The following ULK4 variants were observed in gnomAD, a reference collection of about 807,000 sequenced individuals.
The protein encoded by ULK4 is inactive serine/threonine-protein kinase ULK4.
A neutral mutation model predicts 160.6 loss-of-function variants in ULK4; 133 were observed. The ratio of observed to expected loss-of-function variants is 0.83; its 90% confidence interval spans 0.72 to 0.96. The LOEUF is 0.96. Ranked by LOEUF, ULK4 falls within the 40% of genes least tolerant of loss-of-function variation. The pLI, the probability that ULK4 is intolerant of heterozygous loss-of-function variation, is 0.00. For synonymous variants in ULK4, 534 were observed against 539.8 expected (o/e 0.99, Z 0.15); for missense variants, 1,580 against 1,499.5 (o/e 1.05, Z -0.89).
chr3:41,776,094 G>A (rs892161351), intron 21 of ULK4, among the ~76,000 whole-genome samples: 2 of 150,706 alleles, frequency 1.3e-5, no homozygotes, highest in African/African-American at 5.0e-5. Context: ...GTTTCCACTG[G>A]CCCATATCTC....
chr3:41,420,060 G>A (rs1575536755), intron 34 of ULK4, among the ~76,000 whole-genome samples: 1 of 150,970 alleles, frequency 6.6e-6, no homozygotes, highest in Admixed American at 6.6e-5. Flanking sequence ...ATTCCTTTTT[G>A]AGTTCCTCTT....
At chr3:41,856,664 T>G (rs952995085) in intron 17 of ULK4, among the ~76,000 whole-genome samples, 13 of 145,726 alleles carry the variant, frequency 8.9e-5, no homozygotes, top group Admixed American at 2.8e-4. Context: ...CAGCTTCAAA[T>G]CCAACAGGAT....
intron 2 of ULK4, among the ~76,000 whole-genome samples, chr3:41,939,662 A>C (rs1343963679): frequency 6.6e-6 from 1 of 152,090 alleles, no homozygotes; most frequent in Non-Finnish European, 1.5e-5. Flanking sequence ...TTAGGAGGCC[A>C]AGGCAGGAGG....
intron 32 of ULK4, among the ~76,000 whole-genome samples, chr3:41,490,432 C>T (rs971617114): frequency 6.6e-6 from 1 of 152,174 alleles, no homozygotes; most frequent in African/African-American, 2.4e-5. Context: ...TCTGTTCCCA[C>T]TGTTCTTTTC....
At chr3:41,814,926 T>C (rs1288633540) in intron 19 of ULK4, among the ~76,000 whole-genome samples, 2 of 149,622 alleles carry the variant, frequency 1.3e-5, no homozygotes, top group Non-Finnish European at 3.0e-5. Flanking sequence ...TTTTTTTTTT[T>C]GAGATGGAGT....
At chr3:41,375,126 A>G (rs2081456400) in intron 35 of ULK4, among the ~76,000 whole-genome samples, 1 of 152,220 alleles carries the variant, frequency 6.6e-6, no homozygotes. Flanking sequence ...GCTCGACGAA[A>G]TAAAAGAGGA....
chr3:41,792,920 A>T (rs1424033978), intron 20 of ULK4, among the ~76,000 whole-genome samples: 1 of 152,256 alleles, frequency 6.6e-6, no homozygotes, highest in Non-Finnish European at 1.5e-5. Context: ...CACGCCTGCA[A>T]TCCCAGCACT....
intron 23 of ULK4, 129 bp downstream of exon 23, chr3:41,717,599 T>C (rs2037313425): frequency 2.6e-6 from 3 of 1,158,918 alleles, no homozygotes; most frequent in Non-Finnish European, 3.6e-6. Context: ...AAACTACATA[T>C]TCGTTAAAAA....
chr3:41,648,394 C>G (rs115626762), intron 30 of ULK4, among the ~76,000 whole-genome samples: 1,963 of 152,240 alleles, frequency 0.013, 42 homozygotes, highest in African/African-American at 0.045. Flanking sequence ...AGGATAGTAC[C>G]AAATGACTAC....
intron 5 of ULK4, among the ~76,000 whole-genome samples, chr3:41,928,428 G>T (rs140468543): frequency 6.6e-6 from 1 of 151,218 alleles, no homozygotes; most frequent in Non-Finnish European, 1.5e-5. Flanking sequence ...CCCTAACATC[G>T]CAATTAAAAG....
At chr3:41,827,476 G>T (rs141345402) in intron 18 of ULK4, among the ~76,000 whole-genome samples, 1 of 152,078 alleles carries the variant, frequency 6.6e-6, no homozygotes, top group African/African-American at 2.4e-5. Flanking sequence ...TATCACCACC[G>T]ATCCCACAGA....
chr3:41,743,100 T>C lies in ULK4; in HGVS notation c.2321+11261A>G, dbSNP rs934163282. ...AAATATCCAAATTCAGCAGAAGACATAAATCTATATATTCAAGAAGCTGAT... is the reference window on the plus strand; with the variant it reads ...AAATATCCAAATTCAGCAGAAGACACAAATCTATATATTCAAGAAGCTGAT... On this transcript the variant is annotated intron_variant, in intron 22 of 36. Transcript: ENST00000301831. Among the ~76,000 whole-genome samples the C allele has an allele frequency of 1.3e-5, 2 of 151,766 alleles. 1 individual carries two copies. The highest frequency in any genetic ancestry group is 4.1e-4 in the South Asian group (2 of 4,832).
At chr3:41,454,497 G>A (rs974303394) in intron 34 of ULK4, among the ~76,000 whole-genome samples, 40 of 140,650 alleles carry the variant, frequency 2.8e-4, no homozygotes, top group African/African-American at 1.1e-3. Flanking sequence ...CTGAGATCAT[G>A]CCACTTCACT....
At chr3:41,271,716 G>A (rs546531826) in intron 35 of ULK4, among the ~76,000 whole-genome samples, 47 of 152,064 alleles carry the variant, frequency 3.1e-4, no homozygotes, top group African/African-American at 1.1e-3. Flanking sequence ...TTTTATTGCT[G>A]AGTAGTATTC....
intron 35 of ULK4, among the ~76,000 whole-genome samples, chr3:41,382,265 G>A (rs192994956): frequency 1.3e-5 from 2 of 152,202 alleles, no homozygotes; most frequent in Admixed American, 1.3e-4. Context: ...GTTCCCTGCT[G>A]TATCCCCAAC....
At chr3:41,532,210 G>C (rs1324838515) in intron 32 of ULK4, among the ~76,000 whole-genome samples, 1 of 152,162 alleles carries the variant, frequency 6.6e-6, no homozygotes, top group African/African-American at 2.4e-5. Context: ...ACATTCTACA[G>C]GCTATTCCAC....
At position 41,704,048 on chromosome 3, in the gene ULK4, A is replaced by G. The variant is rs146757395; in HGVS notation, c.2781+1009T>C. Among the ~76,000 whole-genome samples the G allele has an allele frequency of 4.5e-3, 683 of 152,288 alleles. 2 individuals carry two copies. The highest frequency in any genetic ancestry group is 0.016 in the African/African-American group (657 of 41,548). On this transcript the variant is annotated intron_variant, in intron 27 of 36. Coordinates refer to ENST00000301831, the MANE Select transcript of ULK4 (RefSeq NM_017886.4). ...TTTTATTTCTAAATTCATTACTTTTATTCATTATTACAGGCAATTCACAAC... is the reference window on the plus strand; with the variant it reads ...TTTTATTTCTAAATTCATTACTTTTGTTCATTATTACAGGCAATTCACAAC...
In ULK4 at chr3:41,705,320, A is replaced by T; in HGVS notation, c.2635-15T>A. On this transcript the variant is annotated splice_polypyrimidine_tract_variant and intron_variant, in intron 25 of 36. Transcript: ENST00000301831. The stretch of plus-strand genomic sequence containing the variant: ...TTAATATGACTCTGAAAAAAAATAA[A>T]TTTTTAATAAATAGAGTTTCAAAGT... 6.3e-7 allele frequency: 1 copy of T among 1,587,308 alleles called. No individual in the cohort carries two copies. The highest frequency in any genetic ancestry group is 1.7e-5 in the Admixed American group (1 of 58,320).
At chr3:41,594,085 GGCAGGTGGGCAA>G (rs1159484253) in intron 31 of ULK4, among the ~76,000 whole-genome samples, 2 of 151,908 alleles carry the variant, frequency 1.3e-5, no homozygotes, top group African/African-American at 4.8e-5. Context: ...GGGAAAGGAA[GGCAGGTGGGCAA>G]GCAGAGTTAT....
Sources: allele counts gnomAD v4.1 joint callset (sites outside exome capture counted in the v4.1 genomes callset), GRCh38; gene constraint gnomAD v4.1.1; transcripts MANE v1.5; gene names NCBI Gene and HGNC (gene_info 2026-07-23, HGNC 2026-07-21).